PAFAH1B1: variants seen among roughly 807,000 people sequenced by gnomAD.
PAFAH1B1 encodes the protein platelet-activating factor acetylhydrolase IB subunit beta.
In PAFAH1B1, 2 loss-of-function variants were observed where a neutral mutation model predicts 57.5. The ratio of observed to expected loss-of-function variants is 0.03; its 90% CI spans 0.01 to 0.11. The LOEUF is 0.11. Among genes scored for constraint, PAFAH1B1 ranks in the 10% least tolerant of loss-of-function variants. PAFAH1B1 has a pLI of 1.00. For missense variants in PAFAH1B1, 257 were observed against 512.0 expected, an observed-to-expected ratio of 0.50 and a Z score of 4.81; for synonymous variants, 152 against 169.6, an observed-to-expected ratio of 0.90 and a Z score of 0.81.
At chr17:2,594,898 C>T (rs532874922) in intron 1 of PAFAH1B1, among the ~76,000 whole-genome samples, 1 of 152,190 alleles carries the variant, frequency 6.6e-6, no homozygotes, top group Admixed American at 6.5e-5. Context: ...CATTTTGACT[C>T]TGCACCTCTA....
At chr17:2,655,827 G>C (rs544440785) in intron 2 of PAFAH1B1, among the ~76,000 whole-genome samples, 1 of 152,206 alleles carries the variant, frequency 6.6e-6, no homozygotes, top group South Asian at 2.1e-4. Context: ...CACAAATACA[G>C]GAAACTACAT....
chr17:2,649,512 G>A (rs1230908531), intron 2 of PAFAH1B1, among the ~76,000 whole-genome samples: 1 of 151,874 alleles, frequency 6.6e-6, no homozygotes, highest in Admixed American at 6.6e-5. Flanking sequence ...AGGCGGGGAG[G>A]TTGCAGTGAG....
intron 2 of PAFAH1B1, chr17:2,638,622 C>T (rs1034762116): frequency 5.3e-5 from 16 of 301,420 alleles, no homozygotes; most frequent in African/African-American, 3.5e-4. Flanking sequence ...ATTCTTCTGC[C>T]TCAGCCTCCC....
chr17:2,627,503 T>C (rs1473549139), intron 1 of PAFAH1B1, among the ~76,000 whole-genome samples: 1 of 152,220 alleles, frequency 6.6e-6, no homozygotes, highest in African/African-American at 2.4e-5. Context: ...CCTTATAGTA[T>C]AGTTTGAAAG....
chr17:2,622,338 A>G (rs944061095), intron 1 of PAFAH1B1, among the ~76,000 whole-genome samples: 4 of 152,204 alleles, frequency 2.6e-5, no homozygotes, highest in African/African-American at 9.7e-5. Flanking sequence ...AGCCTGTAAA[A>G]TGAAAAGCAA....
In PAFAH1B1 at chr17:2,684,351, G is replaced by A. The variant is rs1478500312; in HGVS notation, c.*2549G>A. On this transcript the variant is annotated 3_prime_UTR_variant, in exon 11 of 11. Transcript: ENST00000397195. ...TTTTCTCTGTCTGCTGTCTAACCCT[G>A]TGCCTTGCCTGGGATAAGGACAATG... 4 of 152,708 alleles carry A rather than the reference G, an allele frequency of 2.6e-5. No individual in the cohort carries two copies. The highest frequency in any genetic ancestry group is 7.2e-5 in the African/African-American group (3 of 41,446). The allele number at this position is 152,708 out of a possible 1,614,324, so 9.5% of individuals were successfully genotyped here. A position where few individuals can be genotyped will look rare whatever the true frequency, so the allele number is the denominator to read the frequency against.
At chr17:2,665,219 G>T (rs908864394) in intron 2 of PAFAH1B1, among the ~76,000 whole-genome samples, 153 bp from the exon 3 acceptor site, 2 of 152,090 alleles carry the variant, frequency 1.3e-5, no homozygotes, top group Non-Finnish European at 2.9e-5. Context: ...AGGCTTTGCG[G>T]GGGTGTCCTT....
Position 2,673,964 on chromosome 17 carries a change from A to G in PAFAH1B1, c.672-96A>G, listed in dbSNP as rs989295558. ...TGTCGACTTGCATCTCTAACTTGGTACCATTCTCTTCATCCCAGTACATAT... is the reference window on the plus strand; with the variant it reads ...TGTCGACTTGCATCTCTAACTTGGTGCCATTCTCTTCATCCCAGTACATAT... On this transcript the variant is annotated intron_variant, in intron 7 of 10. Coordinates refer to ENST00000397195, the MANE Select transcript of PAFAH1B1 (RefSeq NM_000430.4). The G allele has an allele frequency of 1.5e-5, 13 of 839,868 alleles. No individual in the cohort carries two copies. In the African/African-American group the frequency reaches 2.2e-4, roughly 14 times the overall value. The allele number at this position is 839,868 out of a possible 1,614,324, so 52.0% of individuals were successfully genotyped here.
intron 1 of PAFAH1B1, among the ~76,000 whole-genome samples, chr17:2,600,739 T>C (rs1018917007): frequency 6.6e-6 from 1 of 152,078 alleles, no homozygotes; most frequent in Non-Finnish European, 1.5e-5. Flanking sequence ...TGGTTAAGTT[T>C]TTCTTTTTGA....
At chr17:2,677,681 C>A (rs945390320) in intron 9 of PAFAH1B1, among the ~76,000 whole-genome samples, 12 of 151,996 alleles carry the variant, frequency 7.9e-5, no homozygotes, top group Non-Finnish European at 1.8e-4. Flanking sequence ...GGTGAAACCC[C>A]GTCTCTACTA....
Position 2,679,814 on chromosome 17 carries a change from C to A in PAFAH1B1, c.1003-350C>A, listed in dbSNP as rs141410326. ...AACACTTTACCCCCAAGTATTTTAG[C>A]ATGAACCACCTAAGAACAAGGATAG... On this transcript the variant is annotated intron_variant, in intron 9 of 10. Coordinates refer to ENST00000397195, the MANE Select transcript of PAFAH1B1 (RefSeq NM_000430.4). 706 of 287,008 alleles carry A rather than the reference C, an allele frequency of 2.5e-3. 1 individual carries two copies. Among genetic ancestry groups the A allele is most frequent in the African/African-American group, 0.012 (561 of 45,248 alleles). The allele number at this position is 287,008 out of a possible 1,614,324, so 17.8% of individuals were successfully genotyped here.
At position 2,667,162 on chromosome 17, in the gene PAFAH1B1, T is replaced by C; in HGVS notation, c.363T>C (p.Ser121=). 1.2e-6 allele frequency: 2 copies of C among 1,613,806 alleles called. No individual in the cohort carries two copies. Among genetic ancestry groups the C allele is most frequent in the Non-Finnish European group, 1.7e-6 (2 of 1,179,762 alleles). The change falls in exon 5 of 11, where the codon AGT becomes AGC. Residue 121 remains serine, a synonymous_variant. Coordinates refer to ENST00000397195, the MANE Select transcript of PAFAH1B1 (RefSeq NM_000430.4). ...VTRVIFHPVF[S]VMVSASEDAT... ...GAGTCATTTTCCATCCTGTGTTCAG[T>C]GTTATGGTCTCTGCTTCAGAGGATG...
In PAFAH1B1 at chr17:2,681,944, T is replaced by A; in HGVS notation, c.*142T>A. 1.5e-6 allele frequency: 1 copy of A among 646,776 alleles called. No individual in the cohort carries two copies. The allele number at this position is 646,776 out of a possible 1,614,324, so 40.1% of individuals were successfully genotyped here. A position where few individuals can be genotyped will look rare whatever the true frequency, so the allele number is the denominator to read the frequency against. On this transcript the variant is annotated 3_prime_UTR_variant, in exon 11 of 11. Transcript: ENST00000397195. The stretch of plus-strand genomic sequence containing the variant: ...GATGTAGATTGAGCTTATTAAATGT[T>A]ACACACAAAGTATTCATGCATGGTG...
intron 9 of PAFAH1B1, among the ~76,000 whole-genome samples, chr17:2,677,951 A>G (rs1260483104): frequency 2.6e-5 from 4 of 152,190 alleles, no homozygotes; most frequent in East Asian, 3.8e-4. Flanking sequence ...TTAAGAAAAG[A>G]TGATATATAA....
chr17:2,673,368 G>A (rs371370114), intron 7 of PAFAH1B1, among the ~76,000 whole-genome samples: 3 of 151,990 alleles, frequency 2.0e-5, no homozygotes, highest in South Asian at 2.1e-4. Flanking sequence ...GGCCGGGCGC[G>A]GTGGCTCACG....
At chr17:2,620,972 TC>T (rs142150202) in intron 1 of PAFAH1B1, among the ~76,000 whole-genome samples, 5,698 of 152,266 alleles carry the variant, frequency 0.037, 282 homozygotes, top group African/African-American at 0.11. Context: ...ATAGATTTTT[TC>T]CTTTAATAGA....
intron 2 of PAFAH1B1, among the ~76,000 whole-genome samples, chr17:2,649,472 G>A (rs932821815): frequency 6.6e-6 from 1 of 151,626 alleles, no homozygotes; most frequent in African/African-American, 2.4e-5. Flanking sequence ...TACTTGGGAG[G>A]CTGAGGCAGG....
At chr17:2,672,823 G>A (rs184798111) in intron 7 of PAFAH1B1, 66 bp downstream of exon 7, 87 of 977,844 alleles carry the variant, frequency 8.9e-5, no homozygotes, top group Middle Eastern at 6.2e-4. Context: ...TCATCCCAGC[G>A]CTTTGGGAGG....
At chr17:2,624,791 C>T (rs1376656623) in intron 1 of PAFAH1B1, among the ~76,000 whole-genome samples, 1 of 152,144 alleles carries the variant, frequency 6.6e-6, no homozygotes, top group Non-Finnish European at 1.5e-5. Context: ...GATCTGCATG[C>T]CTCGGTCCAT....
Sources: allele counts gnomAD v4.1 joint callset (sites outside exome capture counted in the v4.1 genomes callset), GRCh38; gene constraint gnomAD v4.1.1; transcripts MANE v1.5; gene names NCBI Gene and HGNC (gene_info 2026-07-23, HGNC 2026-07-21).